The following LHFPL6 variants were observed in gnomAD, a reference collection of about 807,000 sequenced individuals.
The protein encoded by LHFPL6 is LHFPL tetraspan subfamily member 6, also known as LHFPL tetraspan subfamily member 6 protein.
In LHFPL6, 9 loss-of-function variants were observed where a neutral mutation model predicts 20.6. That is an observed-to-expected ratio of 0.44 (90% CI 0.26 to 0.76). The LOEUF is 0.76. Among genes scored for constraint, LHFPL6 ranks in the 30% least tolerant of loss-of-function variants. The probability of loss-of-function intolerance (pLI) is 0.20; values close to 1 mark genes in which losing one functional copy is unlikely to be tolerated. For missense variants in LHFPL6, 218 were observed against 253.5 expected (o/e 0.86, Z 0.95); for synonymous variants, 105 against 98.7 (o/e 1.06, Z -0.38).
chr13:39,598,700 C>T (rs1379040416), intron 2 of LHFPL6, among the ~76,000 whole-genome samples: 2 of 152,092 alleles, frequency 1.3e-5, no homozygotes, highest in African/African-American at 2.4e-5. Context: ...GGACTACAGG[C>T]GCCCACCACC....
chr13:39,452,185 C>T (rs541571613), intron 2 of LHFPL6, among the ~76,000 whole-genome samples: 3 of 151,810 alleles, frequency 2.0e-5, no homozygotes, highest in Non-Finnish European at 1.5e-5. Flanking sequence ...CACTGGGCTG[C>T]GGAGGGAAGT....
intron 2 of LHFPL6, among the ~76,000 whole-genome samples, chr13:39,425,529 G>A (rs1245722388): frequency 6.6e-6 from 1 of 152,082 alleles, no homozygotes; most frequent in African/African-American, 2.4e-5. Flanking sequence ...GTTCATCCTC[G>A]CCCATATTTT....
chr13:39,356,670 T>C (rs551584164), intron 3 of LHFPL6, among the ~76,000 whole-genome samples: 5 of 152,138 alleles, frequency 3.3e-5, no homozygotes, highest in Non-Finnish European at 7.4e-5. Flanking sequence ...CAATCAGAAT[T>C]GACAAAGATG....
At chr13:39,450,676 CTAAA>C (rs1872418308) in intron 2 of LHFPL6, among the ~76,000 whole-genome samples, 1 of 152,138 alleles carries the variant, frequency 6.6e-6, no homozygotes, top group Non-Finnish European at 1.5e-5. Context: ...ATTTGAACCA[CTAAA>C]TAGTGGGGTT....
intron 2 of LHFPL6, among the ~76,000 whole-genome samples, chr13:39,485,792 ACCTC>A (rs1868704772): frequency 6.6e-6 from 1 of 152,108 alleles, no homozygotes; most frequent in Non-Finnish European, 1.5e-5. Flanking sequence ...ATTTGCTTTG[ACCTC>A]CTATAACATT....
chr13:39,450,717 C>G (rs1021536691), intron 2 of LHFPL6, among the ~76,000 whole-genome samples: 1 of 152,108 alleles, frequency 6.6e-6, no homozygotes, highest in Non-Finnish European at 1.5e-5. Flanking sequence ...AAGTGAATTC[C>G]GTTTCTGTAG....
chr13:39,367,947 T>C (rs1291097871), intron 3 of LHFPL6, among the ~76,000 whole-genome samples: 1 of 152,212 alleles, frequency 6.6e-6, no homozygotes, highest in East Asian at 1.9e-4. Context: ...TAAGTATTAA[T>C]AACATCTCCA....
At chr13:39,558,214 C>T (rs548411510) in intron 2 of LHFPL6, among the ~76,000 whole-genome samples, 1 of 152,282 alleles carries the variant, frequency 6.6e-6, no homozygotes, top group Non-Finnish European at 1.5e-5. Flanking sequence ...TAGTAACAGA[C>T]TTTGTAGATG....
chr13:39,511,620 A>G (rs532650546), intron 2 of LHFPL6, among the ~76,000 whole-genome samples: 1 of 152,354 alleles, frequency 6.6e-6, no homozygotes, highest in Admixed American at 6.5e-5. Flanking sequence ...ATTCTAGAAT[A>G]TACTATTAAC....
intron 2 of LHFPL6, among the ~76,000 whole-genome samples, chr13:39,432,175 A>C (rs1393175964): frequency 1.3e-5 from 2 of 152,180 alleles, no homozygotes; most frequent in African/African-American, 4.8e-5. Flanking sequence ...CCCAGCCTCC[A>C]ACTGTGAGGA....
At chr13:39,374,853 G>T (rs1262557363) in intron 3 of LHFPL6, among the ~76,000 whole-genome samples, 1 of 152,218 alleles carries the variant, frequency 6.6e-6, no homozygotes, top group African/African-American at 2.4e-5. Context: ...TTTATTCATT[G>T]CTGATGCCAC....
chr13:39,547,608 C>T (rs1871020853), intron 2 of LHFPL6, among the ~76,000 whole-genome samples: 1 of 152,058 alleles, frequency 6.6e-6, no homozygotes, highest in Admixed American at 6.5e-5. Context: ...TGCAGCAAAT[C>T]TGATCTGGAC....
intron 2 of LHFPL6, among the ~76,000 whole-genome samples, chr13:39,588,361 A>C (rs1476705850): frequency 6.6e-6 from 1 of 152,214 alleles, no homozygotes; most frequent in African/African-American, 2.4e-5. Context: ...AATCCCCTGG[A>C]TTTACAACAT....
At chr13:39,510,830 A>C (rs970559798) in intron 2 of LHFPL6, among the ~76,000 whole-genome samples, 4 of 152,150 alleles carry the variant, frequency 2.6e-5, no homozygotes, top group African/African-American at 7.2e-5. Context: ...ATACAACTTA[A>C]ACCTGAAATT....
chr13:39,417,174 A>G (rs1187794918), intron 2 of LHFPL6, among the ~76,000 whole-genome samples: 1 of 152,158 alleles, frequency 6.6e-6, no homozygotes, highest in Non-Finnish European at 1.5e-5. Flanking sequence ...CCTTATTCAT[A>G]TCCCTCTTGA....
intron 2 of LHFPL6, among the ~76,000 whole-genome samples, chr13:39,585,382 C>T (rs557826874): frequency 3.3e-5 from 5 of 152,286 alleles, no homozygotes; most frequent in African/African-American, 9.6e-5. Flanking sequence ...GACAAGAGTA[C>T]GTTTTGTGTG....
intron 3 of LHFPL6, among the ~76,000 whole-genome samples, chr13:39,358,183 G>A (rs1452096794): frequency 1.3e-5 from 2 of 152,074 alleles, no homozygotes; most frequent in African/African-American, 4.8e-5. Context: ...GCATGGTACT[G>A]GTACAAAAAC....
chr13:39,422,708 A>G (rs1871527962), intron 2 of LHFPL6, among the ~76,000 whole-genome samples: 1 of 152,114 alleles, frequency 6.6e-6, no homozygotes, highest in African/African-American at 2.4e-5. Context: ...TTCCTTCAGC[A>G]GTTTATTTTG....
intron 3 of LHFPL6, among the ~76,000 whole-genome samples, chr13:39,369,606 T>TCC (rs1566095692): frequency 2.4e-4 from 1 of 4,242 alleles, no homozygotes; most frequent in Non-Finnish European, 7.5e-4. Context: ...TTCCTCCCTC[T>TCC]CTCCCTCCCT....
Sources: allele counts gnomAD v4.1 joint callset (sites outside exome capture counted in the v4.1 genomes callset), GRCh38; gene constraint gnomAD v4.1.1; transcripts MANE v1.5; gene names NCBI Gene and HGNC (gene_info 2026-07-23, HGNC 2026-07-21).